SUSD1: variants seen among roughly 807,000 people sequenced by gnomAD.
SUSD1 encodes sushi domain containing 1.
In SUSD1, 65 loss-of-function variants were observed where a neutral mutation model predicts 86.9. The ratio of observed to expected loss-of-function variants is 0.75; its 90% CI spans 0.61 to 0.92. SUSD1 has a LOEUF of 0.92. Ranked by LOEUF, SUSD1 falls within the 40% of genes least tolerant of loss-of-function variation. The pLI, the probability that SUSD1 is intolerant of heterozygous loss-of-function variation, is 0.00. For synonymous variants in SUSD1, 346 were observed against 350.0 expected (o/e 0.99, Z 0.13); for missense variants, 850 against 929.7 (o/e 0.91, Z 1.11).
At chr9:112,167,197 G>A (rs1009885771) in intron 1 of SUSD1, among the ~76,000 whole-genome samples, 1 of 152,024 alleles carries the variant, frequency 6.6e-6, no homozygotes, top group Non-Finnish European at 1.5e-5. Context: ...CCCAGGCTCA[G>A]GCGAGTCTCC....
At chr9:112,098,742 TA>T (rs1047144943) in intron 9 of SUSD1, 80 bp from the exon 10 acceptor site, 7 of 1,323,146 alleles carry the variant, frequency 5.3e-6, no homozygotes, top group Admixed American at 2.1e-5. Context: ...AAAATGGAGT[TA>T]AAACAAGAAA....
chr9:112,143,879 T>C (rs1832693247), intron 3 of SUSD1, among the ~76,000 whole-genome samples: 1 of 152,148 alleles, frequency 6.6e-6, no homozygotes, highest in Non-Finnish European at 1.5e-5. Context: ...TTACAAAAGC[T>C]GATAACCATC....
chr9:112,163,005 GA>G (rs1303813002), intron 1 of SUSD1, among the ~76,000 whole-genome samples: 3 of 152,144 alleles, frequency 2.0e-5, no homozygotes, highest in Non-Finnish European at 4.4e-5. Context: ...TTTTATGCTT[GA>G]ATAAACTCTA....
intron 2 of SUSD1, among the ~76,000 whole-genome samples, chr9:112,153,991 T>G (rs1833180764): frequency 6.6e-6 from 1 of 152,118 alleles, no homozygotes; most frequent in Non-Finnish European, 1.5e-5. Flanking sequence ...CCAGCATCAC[T>G]ACAAACACAT....
intron 5 of SUSD1, among the ~76,000 whole-genome samples, chr9:112,140,703 T>G (rs563263535): frequency 9.2e-4 from 140 of 152,340 alleles, no homozygotes; most frequent in African/African-American, 3.3e-3. Flanking sequence ...TCTCTAGTTG[T>G]GTGACCTTAA....
In SUSD1 at chr9:112,121,930, A is replaced by G. The variant is rs145020399; in HGVS notation, c.886+2327T>C. Among the ~76,000 whole-genome samples the G allele has an allele frequency of 2.2e-3, 332 of 152,302 alleles. 1 individual carries two copies. The highest frequency in any genetic ancestry group is 7.5e-3 in the African/African-American group (312 of 41,554). ...GAAGTACACGCTTCTGATTCATGAGAAGATCTTCACATGAGGCTAACAACT... is the reference window on the plus strand; with the variant it reads ...GAAGTACACGCTTCTGATTCATGAGGAGATCTTCACATGAGGCTAACAACT... On this transcript the variant is annotated intron_variant, in intron 6 of 16. Transcript: ENST00000374270.
At chr9:112,091,782 A>T (rs896322175) in intron 10 of SUSD1, among the ~76,000 whole-genome samples, 1 of 152,224 alleles carries the variant, frequency 6.6e-6, no homozygotes, top group Non-Finnish European at 1.5e-5. Flanking sequence ...AAAGAGGGCA[A>T]CAAGATATAA....
chr9:112,089,599 C>A (rs1830117365), intron 10 of SUSD1, among the ~76,000 whole-genome samples: 1 of 152,060 alleles, frequency 6.6e-6, no homozygotes, highest in South Asian at 2.1e-4. Context: ...GAGGGTGGAT[C>A]ACCTGAGGTC....
chr9:112,062,752 G>C (rs1828787999), intron 13 of SUSD1, among the ~76,000 whole-genome samples, 185 bp downstream of exon 13: 1 of 152,124 alleles, frequency 6.6e-6, no homozygotes, highest in South Asian at 2.1e-4. Context: ...CTCACCATTA[G>C]AAAGGATGCT....
intron 10 of SUSD1, among the ~76,000 whole-genome samples, chr9:112,095,052 C>T (rs1015230780): frequency 1.3e-5 from 2 of 152,160 alleles, no homozygotes; most frequent in Admixed American, 1.3e-4. Context: ...GGGTTTAGGC[C>T]GAACTGAATA....
At chr9:112,146,428 A>G (rs1373034909) in intron 3 of SUSD1, among the ~76,000 whole-genome samples, 2 of 152,206 alleles carry the variant, frequency 1.3e-5, no homozygotes, top group African/African-American at 4.8e-5. Context: ...TTTACAAAAG[A>G]GAAGGTCATT....
rs777537373 is a variant in SUSD1 at position 112,114,871 on chromosome 9, G to A, written c.887-2003C>T. Among the ~76,000 whole-genome samples the A allele has an allele frequency of 6.6e-5, 10 of 152,152 alleles. No individual in the cohort carries two copies. The South Asian group carries it at 1.2e-3, about 19-fold the overall frequency. On this transcript the variant is annotated intron_variant, in intron 6 of 16. Coordinates refer to ENST00000374270, the MANE Select transcript of SUSD1 (RefSeq NM_022486.5). The stretch of plus-strand genomic sequence containing the variant: ...CCAACAAAGACTTAGTTTCTTCAGC[G>A]TCTAAGGACACTGTCACACAGATGT...
chr9:112,125,870 T>G (rs1230014277), intron 5 of SUSD1, among the ~76,000 whole-genome samples: 1 of 152,210 alleles, frequency 6.6e-6, no homozygotes, highest in Non-Finnish European at 1.5e-5. Flanking sequence ...CTTGGGCTGT[T>G]GCAGGACTCC....
chr9:112,059,537 T>A (rs958476676), intron 13 of SUSD1, among the ~76,000 whole-genome samples: 2 of 152,094 alleles, frequency 1.3e-5, no homozygotes, highest in South Asian at 4.1e-4. Flanking sequence ...AAAGTTCATG[T>A]GAAATAAATG....
At chr9:112,084,471 A>G (rs10981252) in intron 10 of SUSD1, among the ~76,000 whole-genome samples, 20,825 of 152,204 alleles carry the variant, frequency 0.14, 1,762 homozygotes, top group East Asian at 0.24. Context: ...CATATGCTCA[A>G]GTAACCTAAC....
At chr9:112,084,867 C>T (rs756467340) in intron 10 of SUSD1, among the ~76,000 whole-genome samples, 28 of 152,092 alleles carry the variant, frequency 1.8e-4, no homozygotes, top group Admixed American at 9.8e-4. Context: ...GCAAGAATGC[C>T]TCAAAAAAGA....
At chr9:112,062,067 C>A (rs950882006) in intron 13 of SUSD1, among the ~76,000 whole-genome samples, 2 of 152,146 alleles carry the variant, frequency 1.3e-5, no homozygotes, top group African/African-American at 4.8e-5. Flanking sequence ...CATCCTAATG[C>A]CATCTGGAAT....
chr9:112,058,024 G>T (rs1335575178), intron 14 of SUSD1, among the ~76,000 whole-genome samples: 2 of 152,210 alleles, frequency 1.3e-5, no homozygotes, highest in African/African-American at 4.8e-5. Flanking sequence ...AGGGATGTAA[G>T]CAAAAAACAG....
Position 112,127,353 on chromosome 9 carries a change from A to G in SUSD1, c.707-2917T>C, listed in dbSNP as rs530524921. ...GTGCTACTGCACTCCAGCCTGGCCA[A>G]CAGAGTGAGACTCCATCTCAAAAAG... is the stretch of plus-strand genomic sequence containing the variant. On this transcript the variant is annotated intron_variant, in intron 5 of 16. Coordinates refer to ENST00000374270, the MANE Select transcript of SUSD1 (RefSeq NM_022486.5). Among the ~76,000 whole-genome samples, 12 of 152,314 alleles carry G rather than the reference A, an allele frequency of 7.9e-5. No homozygotes were observed. The East Asian group carries it at 2.3e-3, about 29-fold the overall frequency.
Sources: allele counts gnomAD v4.1 joint callset (sites outside exome capture counted in the v4.1 genomes callset), GRCh38; gene constraint gnomAD v4.1.1; transcripts MANE v1.5; gene names NCBI Gene and HGNC (gene_info 2026-07-23, HGNC 2026-07-21).